TBL1XR1: variants seen among roughly 807,000 people sequenced by gnomAD.
TBL1XR1 encodes TBL1X/Y related 1.
TBL1XR1 carries 5 observed loss-of-function variants against 66.9 expected under a neutral mutation model. The observed-to-expected ratio is 0.07, with a 90% CI of 0.04 to 0.16. TBL1XR1 has a LOEUF of 0.16. TBL1XR1 is among the 10% of genes least tolerant of loss of function. The pLI is 1.00. For missense variants in TBL1XR1, 238 were observed against 623.2 expected (o/e 0.38, Z 6.58); for synonymous variants, 210 against 206.0 (o/e 1.02, Z -0.17).
chr3:177,091,509 CT>C (rs1405244023), intron 2 of TBL1XR1, among the ~76,000 whole-genome samples: 1 of 152,098 alleles, frequency 6.6e-6, no homozygotes, highest in African/African-American at 2.4e-5. Context: ...ACAAGATGAG[CT>C]TTGGCCAACA....
intron 1 of TBL1XR1, among the ~76,000 whole-genome samples, chr3:177,163,551 T>A (rs1477661857): frequency 6.7e-6 from 1 of 150,232 alleles, no homozygotes; most frequent in Non-Finnish European, 1.5e-5. Flanking sequence ...TGTGAGAAGA[T>A]GTAAAATATA....
intron 1 of TBL1XR1, among the ~76,000 whole-genome samples, chr3:177,188,204 A>G (rs1421098127): frequency 6.6e-6 from 1 of 151,572 alleles, no homozygotes; most frequent in Non-Finnish European, 1.5e-5. Context: ...TGCTGGGATT[A>G]CAGGCATCAG....
At chr3:177,102,805 C>T (rs1724392834) in intron 1 of TBL1XR1, among the ~76,000 whole-genome samples, 1 of 152,126 alleles carries the variant, frequency 6.6e-6, no homozygotes, top group Non-Finnish European at 1.5e-5. Context: ...AAAGATCAGG[C>T]CCAATCAGCT....
At position 177,034,110 on chromosome 3, in the gene TBL1XR1, A is replaced by G. The variant is rs1714416379; in HGVS notation, c.1250+88T>C. Reference sequence around the variant, plus strand: ...AAAAAAAAAAAAAAGTTTCCACTTCATGAAATCTTCCCTAAACTTCTGTCA... The same window carrying G: ...AAAAAAAAAAAAAAGTTTCCACTTCGTGAAATCTTCCCTAAACTTCTGTCA... On this transcript the variant is annotated intron_variant, in intron 13 of 15. Coordinates refer to ENST00000457928, the MANE Select transcript of TBL1XR1 (RefSeq NM_024665.7). The G allele has an allele frequency of 2.1e-6, 3 of 1,426,450 alleles. No individual in the cohort carries two copies. In the East Asian group the frequency reaches 7.3e-5, roughly 35 times the overall value. 88.4% of individuals were successfully genotyped at this position (1,426,450 alleles called of 1,614,324 possible). A position where few individuals can be genotyped will look rare whatever the true frequency, so the allele number is the denominator to read the frequency against.
intron 12 of TBL1XR1, among the ~76,000 whole-genome samples, chr3:177,034,846 C>A (rs1714544482): frequency 6.6e-6 from 1 of 151,828 alleles, no homozygotes; most frequent in Non-Finnish European, 1.5e-5. Flanking sequence ...GAGAATAAGC[C>A]TTTCCTGAGA....
intron 1 of TBL1XR1, among the ~76,000 whole-genome samples, chr3:177,193,279 C>CA: frequency 6.6e-6 from 1 of 152,208 alleles, no homozygotes; most frequent in African/African-American, 2.4e-5. Context: ...TGCTACAACA[C>CA]AAAGACTTCA....
chr3:177,191,383 G>T (rs749786651), intron 1 of TBL1XR1, among the ~76,000 whole-genome samples: 2 of 152,198 alleles, frequency 1.3e-5, no homozygotes, highest in Non-Finnish European at 2.9e-5. Flanking sequence ...TGAGAAGACA[G>T]ACTGCTAGGT....
Position 177,060,849 on chromosome 3 carries a change from C to G in TBL1XR1, c.58+4071G>C, listed in dbSNP as rs75007872. 6.9e-3 allele frequency among the ~76,000 whole-genome samples: 1,050 copies of G among 152,314 alleles called. 14 individuals are homozygous for G. Among genetic ancestry groups the G allele is most frequent in the African/African-American group, 0.024 (1,004 of 41,550 alleles). ...TATTAGGGCAATGAAATTAATGCCC[C>G]TGGGCAAACACTAATTAAAGGAACA... On this transcript the variant is annotated intron_variant, in intron 3 of 15. Coordinates refer to ENST00000457928, the MANE Select transcript of TBL1XR1 (RefSeq NM_024665.7).
At chr3:177,161,224 GAT>G (rs1732172793) in intron 1 of TBL1XR1, among the ~76,000 whole-genome samples, 1 of 152,014 alleles carries the variant, frequency 6.6e-6, no homozygotes, top group East Asian at 1.9e-4. Context: ...TATCATCTTA[GAT>G]AACCCCTGTG....
chr3:177,106,965 G>T (rs1359267951), intron 1 of TBL1XR1, among the ~76,000 whole-genome samples: 1 of 151,954 alleles, frequency 6.6e-6, no homozygotes, highest in Non-Finnish European at 1.5e-5. Context: ...AACAGATTTG[G>T]AATATGCCCA....
chr3:177,198,221 G>T, upstream of TBL1XR1, among the ~76,000 whole-genome samples: 1 of 152,126 alleles, frequency 6.6e-6, no homozygotes, highest in Non-Finnish European at 1.5e-5. Context: ...GAGAAAACAC[G>T]CACACAAGAA....
chr3:177,169,177 C>T (rs951495115), intron 1 of TBL1XR1, among the ~76,000 whole-genome samples: 9 of 152,084 alleles, frequency 5.9e-5, no homozygotes, highest in African/African-American at 1.9e-4. Context: ...TTTATCACTT[C>T]GATATGTTCC....
At chr3:177,041,174 T>A (rs1715526682) in intron 10 of TBL1XR1, 2 of 152,252 alleles carry the variant, frequency 1.3e-5, no homozygotes, top group Admixed American at 6.5e-5. Flanking sequence ...ATAAGCCTTT[T>A]TGCCTGTGCT....
chr3:177,105,218 TATTAA>T (rs1282639614), intron 1 of TBL1XR1, among the ~76,000 whole-genome samples: 1 of 152,254 alleles, frequency 6.6e-6, no homozygotes, highest in South Asian at 2.1e-4. Flanking sequence ...CCCAAAATGT[TATTAA>T]ATTAATGGTG....
chr3:177,099,127 G>C (rs1251190837), intron 1 of TBL1XR1, among the ~76,000 whole-genome samples: 1 of 152,152 alleles, frequency 6.6e-6, no homozygotes, highest in East Asian at 1.9e-4. Flanking sequence ...AGCACTTTGG[G>C]AGGCCGAAGC....
At chr3:177,187,115 C>T (rs1275972731) in intron 1 of TBL1XR1, among the ~76,000 whole-genome samples, 1 of 149,224 alleles carries the variant, frequency 6.7e-6, no homozygotes, top group Non-Finnish European at 1.5e-5. Context: ...TGCCATGAGC[C>T]GAGATCGTGC....
At chr3:177,132,391 C>G (rs1395206346) in intron 1 of TBL1XR1, among the ~76,000 whole-genome samples, 1 of 152,198 alleles carries the variant, frequency 6.6e-6, no homozygotes, top group Non-Finnish European at 1.5e-5. Context: ...GGGAGGCACC[C>G]TTTGCTTGTG....
intron 1 of TBL1XR1, among the ~76,000 whole-genome samples, chr3:177,189,368 T>C (rs1204776041): frequency 6.6e-6 from 1 of 151,816 alleles, no homozygotes; most frequent in Non-Finnish European, 1.5e-5. Flanking sequence ...AATACAAAAA[T>C]TAGCTGGGCG....
chr3:177,060,874 A>C (rs1718432503), intron 3 of TBL1XR1, among the ~76,000 whole-genome samples: 1 of 152,286 alleles, frequency 6.6e-6, no homozygotes, highest in South Asian at 2.1e-4. Flanking sequence ...TTAAAGGAAC[A>C]ATACTTTTGA....
Sources: gnomAD v4.1 joint callset for allele counts (sites outside exome capture counted in the v4.1 genomes callset) on GRCh38, gnomAD v4.1.1 for gene constraint, MANE v1.5 for transcripts, NCBI Gene and HGNC (gene_info 2026-07-23, HGNC 2026-07-21) for gene names.